The following GPATCH2 variants were observed in gnomAD, a reference collection of about 807,000 sequenced individuals.
The protein encoded by GPATCH2 is G-patch domain containing 2.
A neutral mutation model predicts 58.0 loss-of-function variants in GPATCH2; 51 were observed. That is an observed-to-expected ratio of 0.88 (90% CI 0.70 to 1.11). The LOEUF is 1.11. GPATCH2 is among the 50% of genes most tolerant of loss of function. GPATCH2 has a pLI of 0.00. For synonymous variants in GPATCH2, 222 were observed against 218.5 expected (o/e 1.02, Z -0.14); for missense variants, 625 against 652.2 (o/e 0.96, Z 0.45).
chr1:217,470,095 A>G (rs574456079), intron 8 of GPATCH2, among the ~76,000 whole-genome samples: 2 of 152,242 alleles, frequency 1.3e-5, no homozygotes, highest in South Asian at 2.1e-4. Flanking sequence ...TTCCTAGGAG[A>G]ATCATCTCTG....
At chr1:217,571,489 T>C (rs532876130) in intron 5 of GPATCH2, among the ~76,000 whole-genome samples, 2 of 149,660 alleles carry the variant, frequency 1.3e-5, no homozygotes, top group East Asian at 2.1e-4. Flanking sequence ...ATTTTACTTC[T>C]GGGCGCCACA....
intron 5 of GPATCH2, among the ~76,000 whole-genome samples, chr1:217,561,506 A>G (rs1164644587): frequency 6.6e-6 from 1 of 152,200 alleles, no homozygotes; most frequent in Non-Finnish European, 1.5e-5. Flanking sequence ...AGGCAAGCCC[A>G]CCATATTCAG....
At chr1:217,625,662 T>C (rs1259635379) in intron 1 of GPATCH2, among the ~76,000 whole-genome samples, 2 of 152,120 alleles carry the variant, frequency 1.3e-5, no homozygotes, top group African/African-American at 2.4e-5. Context: ...TGCATGTGTG[T>C]CTACTAAATA....
At chr1:217,582,691 T>C (rs2102746041) in intron 5 of GPATCH2, among the ~76,000 whole-genome samples, 1 of 152,320 alleles carries the variant, frequency 6.6e-6, no homozygotes, top group Admixed American at 6.5e-5. Context: ...AAATTATGTC[T>C]TATGAAAAGA....
At chr1:217,446,835 T>C (rs1251635279) in intron 9 of GPATCH2, among the ~76,000 whole-genome samples, 2 of 152,230 alleles carry the variant, frequency 1.3e-5, no homozygotes, top group Non-Finnish European at 2.9e-5. Context: ...TTTCTTCTGA[T>C]GTTACTGAGT....
At chr1:217,537,917 A>C (rs1193206972) in intron 5 of GPATCH2, among the ~76,000 whole-genome samples, 1 of 152,188 alleles carries the variant, frequency 6.6e-6, no homozygotes, top group Non-Finnish European at 1.5e-5. Context: ...ATACATATTT[A>C]TTTCTTTCAG....
intron 1 of GPATCH2, among the ~76,000 whole-genome samples, chr1:217,622,907 T>A (rs968862231): frequency 7.2e-5 from 11 of 152,242 alleles, no homozygotes; most frequent in African/African-American, 2.7e-4. Context: ...GGAATTAGCA[T>A]TCGGCCAAAC....
intron 5 of GPATCH2, among the ~76,000 whole-genome samples, chr1:217,600,805 T>G (rs1459935019): frequency 1.3e-5 from 2 of 152,144 alleles, no homozygotes; most frequent in Non-Finnish European, 2.9e-5. Context: ...AGAAAGAGCA[T>G]TTTAAAACAA....
At chr1:217,539,017 G>C (rs1339826151) in intron 5 of GPATCH2, among the ~76,000 whole-genome samples, 2 of 152,074 alleles carry the variant, frequency 1.3e-5, no homozygotes, top group Non-Finnish European at 2.9e-5. Context: ...TGCCATTTGG[G>C]GTGTGGGTGT....
intron 8 of GPATCH2, among the ~76,000 whole-genome samples, chr1:217,469,620 G>A (rs945606061): frequency 1.3e-5 from 2 of 151,980 alleles, no homozygotes; most frequent in Admixed American, 6.6e-5. Context: ...TAAAATGAGT[G>A]ATAGCCAAAT....
At chr1:217,487,888 G>A (rs997318629) in intron 8 of GPATCH2, among the ~76,000 whole-genome samples, 42 of 152,212 alleles carry the variant, frequency 2.8e-4, no homozygotes, top group African/African-American at 1.0e-3. Context: ...GATTACAGGA[G>A]CACACCACCA....
chr1:217,499,410 C>A (rs776701605), intron 6 of GPATCH2, among the ~76,000 whole-genome samples: 1 of 152,132 alleles, frequency 6.6e-6, no homozygotes, highest in Non-Finnish European at 1.5e-5. Context: ...CACCACGCTG[C>A]AGAAGGGCAA....
chr1:217,621,223 A>AG (rs1324606105), intron 1 of GPATCH2, among the ~76,000 whole-genome samples: 1 of 152,230 alleles, frequency 6.6e-6, no homozygotes, highest in Non-Finnish European at 1.5e-5. Flanking sequence ...AGCAAGAATA[A>AG]GCATAAGCAT....
chr1:217,513,804 G>A (rs1662975933), intron 6 of GPATCH2, among the ~76,000 whole-genome samples: 1 of 151,552 alleles, frequency 6.6e-6, no homozygotes, highest in Non-Finnish European at 1.5e-5. Context: ...AGAAAGTAGA[G>A]AAGTAATGAA....
chr1:217,533,816 T>G (rs1466195883), intron 5 of GPATCH2, among the ~76,000 whole-genome samples: 1 of 152,198 alleles, frequency 6.6e-6, no homozygotes, highest in East Asian at 1.9e-4. Context: ...TAGATATAGA[T>G]TTGGTAAATA....
intron 5 of GPATCH2, among the ~76,000 whole-genome samples, chr1:217,523,829 G>A (rs373752251): frequency 0.025 from 3,774 of 148,450 alleles, 107 homozygotes; most frequent in East Asian, 0.073. Flanking sequence ...CCTCCTGGAC[G>A]GGGTGGCTGG....
At chr1:217,484,053 T>C (rs2102521575) in intron 8 of GPATCH2, among the ~76,000 whole-genome samples, 1 of 152,314 alleles carries the variant, frequency 6.6e-6, no homozygotes, top group Non-Finnish European at 1.5e-5. Context: ...AGCCAACATA[T>C]GTTGGTTACT....
At chr1:217,579,756 G>A (rs189526831) in intron 5 of GPATCH2, among the ~76,000 whole-genome samples, 2 of 152,166 alleles carry the variant, frequency 1.3e-5, no homozygotes, top group Non-Finnish European at 2.9e-5. Flanking sequence ...ATCAAAGCCT[G>A]CAACCAGGGC....
intron 5 of GPATCH2, among the ~76,000 whole-genome samples, chr1:217,602,288 A>G (rs952054553): frequency 6.6e-6 from 1 of 152,166 alleles, no homozygotes; most frequent in Non-Finnish European, 1.5e-5. Context: ...CATATCTTAT[A>G]TCTCAGTAAT....
Sources: allele counts gnomAD v4.1 joint callset (sites outside exome capture counted in the v4.1 genomes callset), GRCh38; gene constraint gnomAD v4.1.1; transcripts MANE v1.5; gene names NCBI Gene and HGNC (gene_info 2026-07-23, HGNC 2026-07-21).